Variants in GABRA1 observed in about 807,000 individuals in gnomAD.
GABRA1 encodes the protein gamma-aminobutyric acid receptor subunit alpha-1.
A neutral mutation model predicts 48.9 loss-of-function variants in GABRA1; 9 were observed. The ratio of observed to expected loss-of-function variants is 0.18; its 90% CI spans 0.11 to 0.32. The LOEUF (loss-of-function observed/expected upper bound fraction) is 0.32. GABRA1 is among the 10% of genes least tolerant of loss of function. GABRA1 has a pLI of 1.00. For synonymous variants in GABRA1, 210 were observed against 198.7 expected, an observed-to-expected ratio of 1.06 and a Z score of -0.48; for missense variants, 285 against 553.8, an observed-to-expected ratio of 0.51 and a Z score of 4.87.
At chr5:161,863,259 G>A (rs1352488940) in intron 3 of GABRA1, among the ~76,000 whole-genome samples, 1 of 151,864 alleles carries the variant, frequency 6.6e-6, no homozygotes, top group African/African-American at 2.4e-5. Flanking sequence ...GGATGTGTTA[G>A]ACTATTCTTG....
intron 6 of GABRA1, 98 bp from the exon 7 acceptor site, chr5:161,882,460 C>A: frequency 8.6e-7 from 1 of 1,165,884 alleles, no homozygotes; most frequent in African/African-American, 1.5e-5. Flanking sequence ...CCCTCTGGAA[C>A]CATGATATAG....
At chr5:161,883,338 C>T (rs1443496453) in intron 7 of GABRA1, among the ~76,000 whole-genome samples, 1 of 152,092 alleles carries the variant, frequency 6.6e-6, no homozygotes, top group Non-Finnish European at 1.5e-5. Flanking sequence ...GCATGCCATC[C>T]TTTTTAGTGT....
chr5:161,860,129 C>T (rs867618062), intron 3 of GABRA1, among the ~76,000 whole-genome samples: 1 of 151,738 alleles, frequency 6.6e-6, no homozygotes, highest in South Asian at 2.1e-4. Flanking sequence ...TTAAAATGAA[C>T]AGAGAATACC....
Position 161,897,095 on chromosome 5 carries a change from CTCTT to C in GABRA1, c.1060-8_1060-5del. The stretch of plus-strand genomic sequence containing the variant: ...ACTGTTTACTAAACAAAATGCATTG[CTCTT>C]TCTTTCTACAGCCAAAGAAAGTAAA... On this transcript the variant is annotated splice_polypyrimidine_tract_variant and intron_variant, in intron 9 of 9. Coordinates refer to ENST00000393943, the MANE Select transcript of GABRA1 (RefSeq NM_001127644.2). The C allele has an allele frequency of 6.2e-7, 1 of 1,612,948 alleles. No individual in the cohort carries two copies. The highest frequency in any genetic ancestry group is 8.5e-7 in the Non-Finnish European group (1 of 1,178,982).
At chr5:161,876,580 C>G (rs2113392688) in intron 6 of GABRA1, among the ~76,000 whole-genome samples, 1 of 152,194 alleles carries the variant, frequency 6.6e-6, no homozygotes, top group Non-Finnish European at 1.5e-5. Flanking sequence ...CCTTCGGGCT[C>G]CTAGCAGCAT....
chr5:161,885,814 G>A (rs1355545013), intron 7 of GABRA1, among the ~76,000 whole-genome samples: 1 of 152,120 alleles, frequency 6.6e-6, no homozygotes, highest in African/African-American at 2.4e-5. Context: ...CGGGAAAGAT[G>A]ATCCAGTTAG....
intron 8 of GABRA1, among the ~76,000 whole-genome samples, chr5:161,891,638 A>G (rs1029367231): frequency 2.0e-5 from 3 of 152,194 alleles, no homozygotes; most frequent in Admixed American, 6.5e-5. Context: ...AAGGGTAAAC[A>G]ACCTTTTACA....
chr5:161,856,270 T>C (rs1757640108), intron 3 of GABRA1, among the ~76,000 whole-genome samples: 2 of 151,396 alleles, frequency 1.3e-5, no homozygotes. Flanking sequence ...ACTACATTAA[T>C]TCATACTGCC....
At chr5:161,860,755 T>A (rs1757823525) in intron 3 of GABRA1, among the ~76,000 whole-genome samples, 1 of 151,876 alleles carries the variant, frequency 6.6e-6, no homozygotes, top group Non-Finnish European at 1.5e-5. Context: ...ACCACATAGA[T>A]ATATACACCT....
intron 6 of GABRA1, among the ~76,000 whole-genome samples, chr5:161,879,247 T>A (rs1048269270): frequency 6.6e-6 from 1 of 152,180 alleles, no homozygotes; most frequent in African/African-American, 2.4e-5. Context: ...TAGCTGGGAC[T>A]ACAGGCACAT....
chr5:161,865,176 G>A (rs1423919625), intron 3 of GABRA1, among the ~76,000 whole-genome samples: 1 of 152,010 alleles, frequency 6.6e-6, no homozygotes. Context: ...CCTGAAAATT[G>A]AAGAGACTTA....
chr5:161,882,819 C>A, intron 7 of GABRA1, 118 bp downstream of exon 7: 1 of 1,036,748 alleles, frequency 9.6e-7, no homozygotes, highest in Admixed American at 1.9e-5. Flanking sequence ...CTAAATTGGG[C>A]ATCAGTTGAG....
At chr5:161,865,877 A>G in intron 4 of GABRA1, 89 bp downstream of exon 4, 1 of 1,055,544 alleles carries the variant, frequency 9.5e-7, no homozygotes, top group Admixed American at 1.7e-5. Context: ...CTTAGGGAGC[A>G]ACCTGAAAAG....
intron 3 of GABRA1, among the ~76,000 whole-genome samples, chr5:161,863,021 T>C (rs553656990): frequency 2.6e-5 from 4 of 152,058 alleles, no homozygotes; most frequent in African/African-American, 9.6e-5. Flanking sequence ...AGTACTAATC[T>C]CATCTTTTTG....
chr5:161,869,893 G>T lies in GABRA1; in HGVS notation c.256-3224G>T, dbSNP rs185528128. Among the ~76,000 whole-genome samples, 19 of 152,038 alleles carry T rather than the reference G, an allele frequency of 1.2e-4. No homozygotes were observed. The East Asian group carries it at 2.9e-3, about 23-fold the overall frequency. ...TTTTGTTTTTAGTTAACTTGGTTTC[G>T]GCCACCTTCTTACTTTCCTTAGATT... On this transcript the variant is annotated intron_variant, in intron 4 of 9. Transcript: ENST00000393943.
intron 8 of GABRA1, among the ~76,000 whole-genome samples, chr5:161,894,414 A>C (rs1755267076): frequency 6.6e-6 from 1 of 152,142 alleles, no homozygotes; most frequent in Non-Finnish European, 1.5e-5. Context: ...TCCTCATGAT[A>C]GTCTTTTGAG....
chr5:161,857,931 A>C (rs1432221041), intron 3 of GABRA1, among the ~76,000 whole-genome samples: 1 of 151,382 alleles, frequency 6.6e-6, no homozygotes, highest in Non-Finnish European at 1.5e-5. Context: ...TAGAAGAATA[A>C]AATAAGGAAA....
chr5:161,852,649 A>G (rs1331436905), intron 2 of GABRA1, among the ~76,000 whole-genome samples: 1 of 152,008 alleles, frequency 6.6e-6, no homozygotes, highest in East Asian at 1.9e-4. Flanking sequence ...GATTTAAAAA[A>G]ACAGCAAGAT....
intron 7 of GABRA1, among the ~76,000 whole-genome samples, chr5:161,887,316 C>T (rs1188951816): frequency 1.3e-5 from 2 of 152,076 alleles, no homozygotes; most frequent in Non-Finnish European, 2.9e-5. Context: ...AGAAAAGCAA[C>T]AGTCTTCTTT....
Sources: allele counts gnomAD v4.1 joint callset (sites outside exome capture counted in the v4.1 genomes callset), GRCh38; gene constraint gnomAD v4.1.1; transcripts MANE v1.5; gene names NCBI Gene and HGNC (gene_info 2026-07-23, HGNC 2026-07-21).